Variants in FRMD5 observed in about 807,000 individuals in gnomAD.
FRMD5 encodes FERM domain containing 5, also known as FERM domain-containing protein 5.
In FRMD5, 20 loss-of-function variants were observed where a neutral mutation model predicts 69.0. The ratio of observed to expected loss-of-function variants is 0.29; its 90% CI spans 0.20 to 0.42. FRMD5 has a LOEUF of 0.42. FRMD5 is among the 10% of genes least tolerant of loss of function. The pLI is 1.00. For missense variants in FRMD5, 595 were observed against 708.6 expected, an observed-to-expected ratio of 0.84 and a Z score of 1.82; for synonymous variants, 271 against 260.1, an observed-to-expected ratio of 1.04 and a Z score of -0.40.
intron 1 of FRMD5, among the ~76,000 whole-genome samples, chr15:44,022,835 C>T (rs1290149007): frequency 6.6e-6 from 1 of 152,052 alleles, no homozygotes; most frequent in Non-Finnish European, 1.5e-5. Context: ...AGTAGTCTAG[C>T]ACTATTTCCA....
chr15:44,115,451 G>A (rs28610037), intron 1 of FRMD5, among the ~76,000 whole-genome samples: 2,737 of 152,136 alleles, frequency 0.018, 41 homozygotes, highest in Middle Eastern at 0.041. Flanking sequence ...CTGGAAATGC[G>A]TTTCTTTACA....
intron 1 of FRMD5, among the ~76,000 whole-genome samples, chr15:44,180,629 A>C (rs572851151): frequency 6.6e-6 from 1 of 152,212 alleles, no homozygotes; most frequent in South Asian, 2.1e-4. Context: ...CACTAAAAAT[A>C]CAAAAATTAG....
At chr15:44,055,879 A>G (rs769834774) in intron 1 of FRMD5, among the ~76,000 whole-genome samples, 2 of 152,300 alleles carry the variant, frequency 1.3e-5, no homozygotes, top group Admixed American at 1.3e-4. Flanking sequence ...CGATTCTCTA[A>G]TTCTATAAAT....
intron 1 of FRMD5, among the ~76,000 whole-genome samples, chr15:43,948,468 T>C (rs1289982000): frequency 7.1e-6 from 1 of 139,868 alleles, no homozygotes; most frequent in Non-Finnish European, 1.5e-5. Context: ...AAAAATCTGT[T>C]TGGATTTTTG....
At chr15:43,879,411 C>T (rs962101345) in intron 13 of FRMD5, 8 of 398,040 alleles carry the variant, frequency 2.0e-5, no homozygotes, top group Non-Finnish European at 3.1e-5. Flanking sequence ...GCCATTTCAT[C>T]GAACCTGTTA....
intron 1 of FRMD5, among the ~76,000 whole-genome samples, chr15:43,970,291 T>C (rs1417090501): frequency 6.6e-6 from 1 of 152,232 alleles, no homozygotes; most frequent in Non-Finnish European, 1.5e-5. Context: ...TCTGCACTTC[T>C]ATTCTTTGTC....
At chr15:43,949,663 T>C (rs1424869274) in intron 1 of FRMD5, among the ~76,000 whole-genome samples, 2 of 152,190 alleles carry the variant, frequency 1.3e-5, no homozygotes, top group African/African-American at 2.4e-5. Context: ...GCCAATGGTG[T>C]TTTTTGTAAG....
chr15:44,093,654 G>A (rs1056185295), intron 1 of FRMD5, among the ~76,000 whole-genome samples: 4 of 150,914 alleles, frequency 2.7e-5, no homozygotes, highest in East Asian at 2.0e-4. Flanking sequence ...CTCACTGCAA[G>A]CTCCATCTCC....
chr15:44,192,204 T>C (rs1295950398), intron 1 of FRMD5, among the ~76,000 whole-genome samples: 4 of 152,078 alleles, frequency 2.6e-5, no homozygotes, highest in Admixed American at 6.6e-5. Context: ...ACCTTAATAA[T>C]TACATCCTAA....
intron 1 of FRMD5, among the ~76,000 whole-genome samples, chr15:44,069,256 G>T (rs572363687): frequency 6.6e-6 from 1 of 152,236 alleles, no homozygotes; most frequent in South Asian, 2.1e-4. Flanking sequence ...GCCACTCTGG[G>T]AAACAGTTTG....
Position 43,924,446 on chromosome 15 carries a change from C to T in FRMD5, c.103-137G>A, listed in dbSNP as rs1159723815. 5 of 638,342 alleles carry T rather than the reference C, an allele frequency of 7.8e-6. No homozygotes were observed. In the Admixed American group the frequency reaches 1.1e-4, roughly 14 times the overall value. The allele number at this position is 638,342 out of a possible 1,614,324, so 39.5% of individuals were successfully genotyped here. A position where few individuals can be genotyped will look rare whatever the true frequency, so the allele number is the denominator to read the frequency against. On this transcript the variant is annotated intron_variant, in intron 1 of 13. Coordinates refer to ENST00000417257, the MANE Select transcript of FRMD5 (RefSeq NM_032892.5). ...GGGTGAATGTCCATAACTATGTCCTCCACATTGTGATACATCACTCACTGT... is the reference window on the plus strand; with the variant it reads ...GGGTGAATGTCCATAACTATGTCCTTCACATTGTGATACATCACTCACTGT...
At chr15:43,935,861 G>C (rs2089752291) in intron 1 of FRMD5, among the ~76,000 whole-genome samples, 1 of 152,220 alleles carries the variant, frequency 6.6e-6, no homozygotes, top group African/African-American at 2.4e-5. Context: ...AGGCCAAAAA[G>C]TGGATGGAAA....
At chr15:43,888,565 C>G (rs1371433201) in intron 9 of FRMD5, among the ~76,000 whole-genome samples, 3 of 152,226 alleles carry the variant, frequency 2.0e-5, no homozygotes, top group Admixed American at 1.3e-4. Flanking sequence ...AAGAGCCTTC[C>G]TTTGCATTTC....
chr15:43,873,490 A>ACTCT lies in FRMD5; in HGVS notation c.*394_*395insAGAG. ...GAGGACAGCAGCTCTCTAGTTTTCA[A>ACTCT]CTAGTGTCCCCTCTGCTAGGTGATA... On this transcript the variant is annotated 3_prime_UTR_variant, in exon 14 of 14. Transcript: ENST00000417257. 1 of 1,421,096 alleles carries ACTCT rather than the reference A, an allele frequency of 7.0e-7. No individual in the cohort carries two copies. Among genetic ancestry groups the ACTCT allele is most frequent in the Non-Finnish European group, 9.1e-7 (1 of 1,098,300 alleles). 88.0% of individuals were successfully genotyped at this position (1,421,096 alleles called of 1,614,324 possible).
At chr15:44,007,307 C>T (rs931208601) in intron 1 of FRMD5, among the ~76,000 whole-genome samples, 1 of 152,108 alleles carries the variant, frequency 6.6e-6, no homozygotes, top group Non-Finnish European at 1.5e-5. Context: ...ACCAAAAAAT[C>T]TGTGACTTGC....
At chr15:43,970,498 C>T (rs1226656997) in intron 1 of FRMD5, among the ~76,000 whole-genome samples, 1 of 152,196 alleles carries the variant, frequency 6.6e-6, no homozygotes, top group African/African-American at 2.4e-5. Context: ...TTGAGACAGT[C>T]TCGCTCTGTC....
intron 1 of FRMD5, among the ~76,000 whole-genome samples, chr15:44,018,529 T>C (rs746250789): frequency 1.3e-5 from 2 of 152,154 alleles, no homozygotes; most frequent in Non-Finnish European, 2.9e-5. Flanking sequence ...GGGGGCATAA[T>C]CATTAAAAAT....
At chr15:44,131,830 A>C (rs2077103664) in intron 1 of FRMD5, among the ~76,000 whole-genome samples, 1 of 152,266 alleles carries the variant, frequency 6.6e-6, no homozygotes, top group Non-Finnish European at 1.5e-5. Context: ...AGTGGTCCCC[A>C]ACATTTTTGA....
At chr15:44,196,475 A>T (rs536417426), upstream of FRMD5, among the ~76,000 whole-genome samples, 9 of 152,232 alleles carry the variant, frequency 5.9e-5, no homozygotes, top group South Asian at 2.1e-4. Context: ...CAAAAAAAAA[A>T]AATAATCGTG....
Sources: gnomAD v4.1 joint callset for allele counts (sites outside exome capture counted in the v4.1 genomes callset) on GRCh38, gnomAD v4.1.1 for gene constraint, MANE v1.5 for transcripts, NCBI Gene and HGNC (gene_info 2026-07-23, HGNC 2026-07-21) for gene names.